IL1RAP: variants seen among roughly 807,000 people sequenced by gnomAD.
IL1RAP encodes interleukin 1 receptor accessory protein.
Under a neutral mutation model 60.7 loss-of-function variants are expected in IL1RAP, and 35 were observed. The ratio of observed to expected loss-of-function variants is 0.58; its 90% CI spans 0.44 to 0.76. The LOEUF is 0.76. Among genes scored for constraint, IL1RAP ranks in the 30% least tolerant of loss-of-function variants. The probability of loss-of-function intolerance (pLI) is 0.00; values close to 1 mark genes in which losing one functional copy is unlikely to be tolerated. For missense variants in IL1RAP, 572 were observed against 693.9 expected (o/e 0.82, Z 1.97); for synonymous variants, 268 against 250.9 (o/e 1.07, Z -0.64).
rs1725999360 is a variant in IL1RAP at position 190,562,693 on chromosome 3, TCCAC to T, written c.-1-1595_-1-1592del. 7.3e-5 allele frequency among the ~76,000 whole-genome samples: 5 copies of T among 68,070 alleles called. No individual in the cohort carries two copies. In the South Asian group the frequency reaches 2.5e-3, roughly 34 times the overall value. The allele number at this position is 68,070 out of a possible 152,430, so 44.7% of individuals were successfully genotyped here. On this transcript the variant is annotated intron_variant, in intron 2 of 11. Coordinates refer to ENST00000447382, the MANE Select transcript of IL1RAP (RefSeq NM_002182.4). The stretch of plus-strand genomic sequence containing the variant: ...CTTGCCTGTATCAAAACATATCTCG[TCCAC>T]ACACACACACACACACACACACACA...
intron 3 of IL1RAP, among the ~76,000 whole-genome samples, chr3:190,566,140 T>C (rs1458725424): frequency 3.3e-5 from 5 of 152,158 alleles, no homozygotes; most frequent in African/African-American, 4.8e-5. Context: ...GGCAGGAACT[T>C]GTTCAGGAAC....
chr3:190,627,521 G>A (rs547289170), intron 8 of IL1RAP, 72 bp downstream of exon 8: 1 of 1,468,552 alleles, frequency 6.8e-7, no homozygotes, highest in South Asian at 1.5e-5. Context: ...GTGTGTTCTA[G>A]TCAATGAAAA....
At chr3:190,549,575 C>T (rs764506059) in intron 1 of IL1RAP, among the ~76,000 whole-genome samples, 2 of 152,126 alleles carry the variant, frequency 1.3e-5, no homozygotes, top group Non-Finnish European at 2.9e-5. Context: ...TTAAATGAAA[C>T]AAGTCGGGGG....
chr3:190,641,967 G>A (rs1388565024), intron 9 of IL1RAP, among the ~76,000 whole-genome samples: 1 of 152,160 alleles, frequency 6.6e-6, no homozygotes, highest in African/African-American at 2.4e-5. Context: ...TTCATGGAAG[G>A]AGTAGAAGAG....
At chr3:190,656,279 A>G (rs926365273), downstream of IL1RAP, 1 of 1,537,108 alleles carries the variant, frequency 6.5e-7, no homozygotes, top group African/African-American at 1.4e-5. Context: ...CGTTTGAAAG[A>G]GCCCCCAGAA....
chr3:190,514,796 C>G (rs977825751), intron 1 of IL1RAP, among the ~76,000 whole-genome samples: 1 of 152,142 alleles, frequency 6.6e-6, no homozygotes, highest in Non-Finnish European at 1.5e-5. Flanking sequence ...GAGGCCCGGG[C>G]GCCAGTGACC....
At chr3:190,619,075 A>G (rs1209614610) in intron 5 of IL1RAP, among the ~76,000 whole-genome samples, 2 of 152,246 alleles carry the variant, frequency 1.3e-5, no homozygotes, top group Non-Finnish European at 2.9e-5. Flanking sequence ...AAAGATGTAA[A>G]AAGCCTTAGA....
In IL1RAP at chr3:190,650,737, T is replaced by C; in HGVS notation, c.*2032T>C. On this transcript the variant is annotated 3_prime_UTR_variant, in exon 12 of 12. Coordinates refer to ENST00000447382, the MANE Select transcript of IL1RAP (RefSeq NM_002182.4). ...TTTTAGCCTTATTAATATTTTTCCC[T>C]ATTAGAAACCACAATTACTCCCTCT... is the stretch of plus-strand genomic sequence containing the variant. 1 of 982,958 alleles carries C rather than the reference T, an allele frequency of 1.0e-6. No individual in the cohort carries two copies. Among genetic ancestry groups the C allele is most frequent in the Admixed American group, 6.1e-5 (1 of 16,290 alleles). The allele number at this position is 982,958 out of a possible 1,614,324, so 60.9% of individuals were successfully genotyped here. A position where few individuals can be genotyped will look rare whatever the true frequency, so the allele number is the denominator to read the frequency against.
chr3:190,658,971 A>T (rs1275912196), exon 12 of IL1RAP: 2 of 152,174 alleles, frequency 1.3e-5, no homozygotes, highest in East Asian at 3.9e-4. Context: ...TCTTGTAAAG[A>T]ATAATCCATC....
At chr3:190,630,034 C>A in intron 9 of IL1RAP, 1 of 816,564 alleles carries the variant, frequency 1.2e-6, no homozygotes, top group Non-Finnish European at 1.5e-6. Flanking sequence ...TAGCAGCCAT[C>A]CAATTGTATG....
At chr3:190,627,928 T>C (rs1182972854) in intron 8 of IL1RAP, among the ~76,000 whole-genome samples, 1 of 152,182 alleles carries the variant, frequency 6.6e-6, no homozygotes, top group Non-Finnish European at 1.5e-5. Context: ...TTGTTTTTTT[T>C]TGCATTGCAG....
intron 1 of IL1RAP, among the ~76,000 whole-genome samples, chr3:190,547,347 G>A (rs946128530): frequency 6.6e-6 from 1 of 152,154 alleles, no homozygotes; most frequent in Non-Finnish European, 1.5e-5. Flanking sequence ...CAGACTATGG[G>A]ACTGGTGGGT....
intron 3 of IL1RAP, among the ~76,000 whole-genome samples, chr3:190,582,685 C>A (rs1181035456): frequency 6.6e-6 from 1 of 152,140 alleles, no homozygotes; most frequent in African/African-American, 2.4e-5. Context: ...CTCTACAGTC[C>A]ATTCTTCACA....
chr3:190,554,499 T>A (rs1322505274), intron 1 of IL1RAP: 1 of 152,224 alleles, frequency 6.6e-6, no homozygotes, highest in African/African-American at 2.4e-5. Flanking sequence ...CTTTGCTTAA[T>A]GTTGTGTTAA....
At chr3:190,655,657 G>T (rs540692332), downstream of IL1RAP, among the ~76,000 whole-genome samples, 3 of 151,500 alleles carry the variant, frequency 2.0e-5, no homozygotes. Flanking sequence ...GGGTTTTGCA[G>T]TAGGAGAGAG....
chr3:190,542,902 C>A (rs1724062448), intron 1 of IL1RAP, among the ~76,000 whole-genome samples: 1 of 94,230 alleles, frequency 1.1e-5, no homozygotes, highest in African/African-American at 4.2e-5. Flanking sequence ...TTTTTTTTGG[C>A]TAGCATCAAC....
At chr3:190,654,618 A>G (rs1734547222), downstream of IL1RAP, among the ~76,000 whole-genome samples, 2 of 152,190 alleles carry the variant, frequency 1.3e-5, no homozygotes, top group Non-Finnish European at 2.9e-5. Flanking sequence ...AAACAAAACT[A>G]TAATCTGTAA....
At chr3:190,538,580 T>C (rs1723661723) in intron 1 of IL1RAP, among the ~76,000 whole-genome samples, 1 of 152,136 alleles carries the variant, frequency 6.6e-6, no homozygotes, top group Non-Finnish European at 1.5e-5. Flanking sequence ...AAAAAACAAA[T>C]ACAGGGTATT....
At chr3:190,610,487 A>G (rs1168968063) in intron 5 of IL1RAP, among the ~76,000 whole-genome samples, 1 of 152,044 alleles carries the variant, frequency 6.6e-6, no homozygotes, top group Non-Finnish European at 1.5e-5. Flanking sequence ...TAAGATTAGT[A>G]GAAGGTGAAA....
Sources: gnomAD v4.1 joint callset for allele counts (sites outside exome capture counted in the v4.1 genomes callset) on GRCh38, gnomAD v4.1.1 for gene constraint, MANE v1.5 for transcripts, NCBI Gene and HGNC (gene_info 2026-07-23, HGNC 2026-07-21) for gene names.